Variants in PPEF1 observed in about 807,000 individuals in gnomAD.
PPEF1 encodes the protein serine/threonine-protein phosphatase with EF-hands 1.
PPEF1 carries 12 observed loss-of-function variants against 53.3 expected under a neutral mutation model. The ratio of observed to expected loss-of-function variants is 0.23; its 90% CI spans 0.14 to 0.36. The LOEUF (loss-of-function observed/expected upper bound fraction) is 0.36. PPEF1 is among the 10% of genes least tolerant of loss of function. PPEF1 has a pLI of 1.00. For missense variants in PPEF1, 334 were observed against 490.4 expected (o/e 0.68, Z 3.01); for synonymous variants, 165 against 176.7 (o/e 0.93, Z 0.52).
chrX:18,771,236 A>G (rs1198757109), intron 6 of PPEF1, among the ~76,000 whole-genome samples: 1 of 110,613 alleles, frequency 9.0e-6, no homozygotes, highest in Non-Finnish European at 1.9e-5. Context: ...TTTCTTTTCT[A>G]TTTCCTTAGT....
At position 18,745,208 on chromosome X, in the gene PPEF1, T is replaced by TTA. The variant is rs762822668; in HGVS notation, c.236-4570_236-4569dup. 6.9e-3 allele frequency among the ~76,000 whole-genome samples: 651 copies of TTA among 94,521 alleles called. 5 individuals are homozygous for TTA. Among genetic ancestry groups the TTA allele is most frequent in the African/African-American group, 0.023 (597 of 25,829 alleles). The allele number at this position is 94,521 out of a possible 115,157, so 82.1% of individuals were successfully genotyped here. A position where few individuals can be genotyped will look rare whatever the true frequency, so the allele number is the denominator to read the frequency against. On this transcript the variant is annotated intron_variant, in intron 3 of 15. Transcript: ENST00000470157. ...TCCATATAATTATATAGAATATATATTATATATATATATATTTATTTTCGA... is the reference window on the plus strand; with the variant it reads ...TCCATATAATTATATAGAATATATATTATATATATATATATATTTATTTTCGA...
rs371152024 is a variant in PPEF1, at chrX:18,782,354, A to G, written c.726-12A>G. 1.3e-4 allele frequency: 143 copies of G among 1,124,694 alleles called. No homozygotes were observed. In the African/African-American group the frequency reaches 2.4e-3, roughly 19 times the overall value. The allele number at this position is 1,124,694 out of a possible 1,213,427, so 92.7% of individuals were successfully genotyped here. On this transcript the variant is annotated splice_polypyrimidine_tract_variant and intron_variant, in intron 7 of 15. Coordinates refer to ENST00000470157, the MANE Select transcript of PPEF1 (RefSeq NM_001377996.1). ...TCAACAATCAAATCATTTAAATCCC[A>G]TTTTTTTTTAGGTATGGCTTCACGA...
At chrX:18,814,208 G>A (rs899589511) in intron 12 of PPEF1, among the ~76,000 whole-genome samples, 3 of 111,944 alleles carry the variant, frequency 2.7e-5, no homozygotes, top group Admixed American at 1.9e-4. Flanking sequence ...ATTTCATGGT[G>A]TATATGTATT....
intron 4 of PPEF1, among the ~76,000 whole-genome samples, 186 bp from the exon 5 acceptor site, chrX:18,757,441 C>A (rs1314832504): frequency 3.6e-5 from 4 of 111,038 alleles, no homozygotes; most frequent in Admixed American, 9.6e-5. Context: ...CAGTTACACA[C>A]GTCGACTGAG....
At chrX:18,786,510 A>G (rs955201662) in intron 9 of PPEF1, among the ~76,000 whole-genome samples, 1 of 111,668 alleles carries the variant, frequency 9.0e-6, no homozygotes, top group African/African-American at 3.3e-5. Context: ...GGCCAGGCGC[A>G]GTGGCTCACG....
At chrX:18,770,537 G>A (rs1410733587) in intron 6 of PPEF1, among the ~76,000 whole-genome samples, 3 of 111,636 alleles carry the variant, frequency 2.7e-5, no homozygotes, top group South Asian at 3.8e-4. Flanking sequence ...TGAGATTCTT[G>A]AAGAAAATCT....
intron 5 of PPEF1, 121 bp from the exon 6 acceptor site, chrX:18,761,409 G>A (rs956218930): frequency 3.3e-5 from 20 of 597,256 alleles, no homozygotes; most frequent in Non-Finnish European, 5.3e-5. Context: ...AATTAACATC[G>A]TCATAGGATA....
At chrX:18,716,342 C>T (rs2044452907) in intron 1 of PPEF1, among the ~76,000 whole-genome samples, 1 of 109,375 alleles carries the variant, frequency 9.1e-6, no homozygotes, top group Non-Finnish European at 1.9e-5. Context: ...ACCATCCTGG[C>T]TAACACGGTG....
At chrX:18,735,630 G>T (rs1456957273) in intron 3 of PPEF1, among the ~76,000 whole-genome samples, 23 of 111,573 alleles carry the variant, frequency 2.1e-4, no homozygotes, top group Admixed American at 3.8e-4. Flanking sequence ...TGGTTCCATA[G>T]GAACTTTAAA....
rs141446490 is a variant in PPEF1 at position 18,735,736 on chromosome X, G to A, written c.235+1928G>A. Reference sequence around the variant, plus strand: ...CCTTGGGCAGTATGGCCACTTTCACGATATTGATTCTTCCTATTCATGAAC... The same window carrying A: ...CCTTGGGCAGTATGGCCACTTTCACAATATTGATTCTTCCTATTCATGAAC... On this transcript the variant is annotated intron_variant, in intron 3 of 15. Transcript: ENST00000470157. Among the ~76,000 whole-genome samples, 905 of 111,802 alleles carry A rather than the reference G, an allele frequency of 8.1e-3. 4 individuals are homozygous for A. Among genetic ancestry groups the A allele is most frequent in the Non-Finnish European group, 0.014 (759 of 53,135 alleles).
chrX:18,745,345 C>T (rs1167985320), intron 3 of PPEF1, among the ~76,000 whole-genome samples: 2 of 105,332 alleles, frequency 1.9e-5, no homozygotes, highest in African/African-American at 3.5e-5. Flanking sequence ...TCCCGAGTAG[C>T]TGGGACTAGA....
intron 6 of PPEF1, among the ~76,000 whole-genome samples, chrX:18,774,858 C>A (rs2045935030): frequency 8.9e-6 from 1 of 111,829 alleles, no homozygotes; most frequent in South Asian, 3.7e-4. Context: ...TTCTCTCTGG[C>A]CTCGTCTAAT....
chrX:18,731,226 T>C (rs1407811933), intron 2 of PPEF1, among the ~76,000 whole-genome samples: 1 of 112,127 alleles, frequency 8.9e-6, no homozygotes, highest in Non-Finnish European at 1.9e-5. Context: ...CACAGGAAAT[T>C]GTTTACAGTA....
intron 12 of PPEF1, among the ~76,000 whole-genome samples, chrX:18,811,615 A>ATATAT (rs1491146545): frequency 2.4e-4 from 2 of 8,251 alleles, no homozygotes; most frequent in Non-Finnish European, 7.0e-4. Context: ...ATATATATAT[A>ATATAT]TTTTTTTTTT....
intron 14 of PPEF1, among the ~76,000 whole-genome samples, chrX:18,824,459 G>A (rs1192718033): frequency 9.0e-6 from 1 of 110,936 alleles, no homozygotes; most frequent in Admixed American, 9.7e-5. Flanking sequence ...GAAGCTGGGA[G>A]TGGGATAATC....
chrX:18,798,770 T>C (rs2046483772), intron 10 of PPEF1, among the ~76,000 whole-genome samples: 1 of 111,024 alleles, frequency 9.0e-6, no homozygotes, highest in African/African-American at 3.3e-5. Context: ...ATTACAGGCA[T>C]CTGCCACCAC....
chrX:18,811,073 CA>C (rs2046794765), intron 12 of PPEF1, among the ~76,000 whole-genome samples: 1 of 112,014 alleles, frequency 8.9e-6, no homozygotes, highest in Non-Finnish European at 1.9e-5. Flanking sequence ...TTTTTTGAGA[CA>C]GAGTTTCACT....
intron 7 of PPEF1, among the ~76,000 whole-genome samples, chrX:18,780,924 C>T (rs186450874): frequency 9.1e-5 from 10 of 109,628 alleles, no homozygotes; most frequent in African/African-American, 3.0e-4. Flanking sequence ...GGCATAGTGG[C>T]GGGCGCCTGT....
chrX:18,772,932 A>G (rs1160847389), intron 6 of PPEF1, among the ~76,000 whole-genome samples: 1 of 113,106 alleles, frequency 8.8e-6, no homozygotes, highest in Non-Finnish European at 1.9e-5. Flanking sequence ...TTCTTGTGAC[A>G]GAGCAGCTGG....
Sources: gnomAD v4.1 joint callset for allele counts (sites outside exome capture counted in the v4.1 genomes callset) on GRCh38, gnomAD v4.1.1 for gene constraint, MANE v1.5 for transcripts, NCBI Gene and HGNC (gene_info 2026-07-23, HGNC 2026-07-21) for gene names.